SERPINB7: variants seen among roughly 807,000 people sequenced by gnomAD.
SERPINB7 encodes serpin B7.
A neutral mutation model predicts 37.4 loss-of-function variants in SERPINB7; 31 were observed. The observed-to-expected ratio is 0.83, with a 90% CI of 0.62 to 1.12. The LOEUF is 1.12. SERPINB7 is among the 50% of genes most tolerant of loss of function. The pLI is 0.00. For missense variants in SERPINB7, 521 were observed against 455.3 expected (o/e 1.14, Z -1.31); for synonymous variants, 163 against 166.1 (o/e 0.98, Z 0.14).
chr18:63,771,509 T>C (rs1453959735), upstream of SERPINB7, among the ~76,000 whole-genome samples: 1 of 152,152 alleles, frequency 6.6e-6, no homozygotes, highest in African/African-American at 2.4e-5. Context: ...CATTAGCTTA[T>C]ACTTATTTCA....
intron 4 of SERPINB7, among the ~76,000 whole-genome samples, chr18:63,795,931 C>T (rs1468433864): frequency 6.6e-6 from 1 of 152,126 alleles, no homozygotes; most frequent in Non-Finnish European, 1.5e-5. Flanking sequence ...GAAGGGATGA[C>T]ACAGGCAAGG....
At chr18:63,758,612 TATA>T (rs1246001956) in intron 1 of SERPINB7, among the ~76,000 whole-genome samples, 27 of 152,170 alleles carry the variant, frequency 1.8e-4, no homozygotes, top group Admixed American at 1.8e-3. Context: ...GGATATTTTT[TATA>T]ATAAGAAAAG....
At chr18:63,779,730 C>T (rs1381356367) in intron 1 of SERPINB7, among the ~76,000 whole-genome samples, 3 of 151,888 alleles carry the variant, frequency 2.0e-5, no homozygotes, top group African/African-American at 7.3e-5. Context: ...TGTGTAGCTT[C>T]TCTTTTGTTC....
intron 2 of SERPINB7, among the ~76,000 whole-genome samples, chr18:63,783,321 A>G (rs867324891): frequency 7.2e-5 from 11 of 151,936 alleles, no homozygotes; most frequent in South Asian, 6.2e-4. Context: ...GCTCTACCCC[A>G]GAAGTACTGA....
At chr18:63,800,803 T>C in intron 6 of SERPINB7, 63 bp from the exon 7 acceptor site, 1 of 1,566,036 alleles carries the variant, frequency 6.4e-7, no homozygotes, top group Non-Finnish European at 8.7e-7. Flanking sequence ...TTCTTATATG[T>C]ATTTGGTTAA....
chr18:63,800,973 A>T lies in SERPINB7; in HGVS notation c.705A>T (p.Ile235=). ...KILELRYNGG[I]NMYVLLPEND... Reference sequence around the variant, plus strand: ...TTGAGCTCAGATACAATGGTGGCATAAACATGTACGTTCTGCTGCCTGAGA... The same window carrying T: ...TTGAGCTCAGATACAATGGTGGCATTAACATGTACGTTCTGCTGCCTGAGA... Residue 235 remains isoleucine, a synonymous_variant, in exon 7 of 8, where the codon ATA becomes ATT. Coordinates refer to ENST00000398019, the MANE Select transcript of SERPINB7 (RefSeq NM_003784.4). The T allele has an allele frequency of 1.2e-6, 2 of 1,613,964 alleles. No homozygotes were observed. Among genetic ancestry groups the T allele is most frequent in the Non-Finnish European group, 1.7e-6 (2 of 1,179,840 alleles).
Position 63,804,529 on chromosome 18 carries a change from A to G in SERPINB7, c.1037A>G (p.Glu346Gly). 7 of 1,613,840 alleles carry G rather than the reference A, an allele frequency of 4.3e-6. No homozygotes were observed. The highest frequency in any genetic ancestry group is 3.3e-4 in the Middle Eastern group (2 of 6,058). The stretch of plus-strand genomic sequence containing the variant: ...GCTGCCACAGGAAGTAATATTGTAG[A>G]AAAGCAACTCCCTCAGTCCACGCTG... ...ATAATGSNIVEKQLPQSTLFR... is the reference protein window; with the variant it reads ...ATAATGSNIVGKQLPQSTLFR... Residue 346 changes from glutamate (E) to glycine (G), a missense_variant, in exon 8 of 8, where the codon GAA becomes GGA. By Grantham distance (98) the Glu-to-Gly change is moderately conservative. Coordinates refer to ENST00000398019, the MANE Select transcript of SERPINB7 (RefSeq NM_003784.4).
chr18:63,803,338 T>A lies in SERPINB7; in HGVS notation c.745-899T>A, dbSNP rs1015577234. ...AAATTCAAATTAGACTAAATTTGATTGTATAAATTTAGGTCCTTGATAAGA... is the reference window on the plus strand; with the variant it reads ...AAATTCAAATTAGACTAAATTTGATAGTATAAATTTAGGTCCTTGATAAGA... On this transcript the variant is annotated intron_variant, in intron 7 of 7. Coordinates refer to ENST00000398019, the MANE Select transcript of SERPINB7 (RefSeq NM_003784.4). Among the ~76,000 whole-genome samples the A allele has an allele frequency of 5.0e-4, 76 of 152,190 alleles. 1 individual carries two copies. The highest frequency in any genetic ancestry group is 7.9e-4 in the Admixed American group (12 of 15,272).
chr18:63,801,913 G>T (rs371759352), intron 7 of SERPINB7, among the ~76,000 whole-genome samples: 3 of 152,128 alleles, frequency 2.0e-5, no homozygotes, highest in African/African-American at 7.2e-5. Flanking sequence ...TCTCTACATC[G>T]TGGCGGAATT....
At chr18:63,762,618 C>G (rs138295311) in intron 1 of SERPINB7, among the ~76,000 whole-genome samples, 29 of 152,300 alleles carry the variant, frequency 1.9e-4, no homozygotes, top group African/African-American at 2.6e-4. Flanking sequence ...TTATTTCCCC[C>G]CCATGATAGC....
At chr18:63,762,116 A>G (rs2049157585) in intron 1 of SERPINB7, among the ~76,000 whole-genome samples, 1 of 152,180 alleles carries the variant, frequency 6.6e-6, no homozygotes, top group African/African-American at 2.4e-5. Context: ...CTGTGGGACC[A>G]TGGAGGGCAA....
At chr18:63,792,630 G>A (rs1310954325) in intron 3 of SERPINB7, among the ~76,000 whole-genome samples, 187 bp downstream of exon 3, 1 of 152,134 alleles carries the variant, frequency 6.6e-6, no homozygotes, top group Non-Finnish European at 1.5e-5. Flanking sequence ...TATAATCCCA[G>A]CTACTTGGGG....
intron 1 of SERPINB7, among the ~76,000 whole-genome samples, chr18:63,766,642 C>T (rs1402915814): frequency 6.6e-6 from 1 of 152,090 alleles, no homozygotes. Context: ...CTTTCTCCTT[C>T]ACCGTCTATT....
At chr18:63,799,841 GT>G (rs1229923238) in intron 6 of SERPINB7, among the ~76,000 whole-genome samples, 24 of 152,222 alleles carry the variant, frequency 1.6e-4, no homozygotes, top group Non-Finnish European at 2.9e-4. Flanking sequence ...CATGTAGGAT[GT>G]TTTTTCCTAA....
chr18:63,773,213 A>C (rs1485818912), upstream of SERPINB7, among the ~76,000 whole-genome samples: 1 of 152,118 alleles, frequency 6.6e-6, no homozygotes, highest in African/African-American at 2.4e-5. Context: ...TTCTTCAAAT[A>C]GATAGATTAG....
chr18:63,788,130 C>T (rs978950600), intron 2 of SERPINB7, among the ~76,000 whole-genome samples: 4 of 152,248 alleles, frequency 2.6e-5, no homozygotes, highest in East Asian at 1.9e-4. Flanking sequence ...CTTCTACTTA[C>T]GAAAAATAAA....
chr18:63,801,332 C>T (rs184947600), intron 7 of SERPINB7, among the ~76,000 whole-genome samples: 3 of 152,258 alleles, frequency 2.0e-5, no homozygotes, highest in African/African-American at 2.4e-5. Context: ...CAGTCTTCTA[C>T]GTGTCATTGA....
chr18:63,772,886 G>A (rs750992457), upstream of SERPINB7, among the ~76,000 whole-genome samples: 24 of 152,084 alleles, frequency 1.6e-4, no homozygotes, highest in Non-Finnish European at 3.1e-4. Context: ...AGGAAGTTCC[G>A]CTGATTGCAT....
chr18:63,771,519 A>C (rs1191989230), upstream of SERPINB7, among the ~76,000 whole-genome samples: 1 of 152,038 alleles, frequency 6.6e-6, no homozygotes, highest in Non-Finnish European at 1.5e-5. Context: ...TACTTATTTC[A>C]TGTGTTCTTA....
Sources: gnomAD v4.1 joint callset for allele counts (sites outside exome capture counted in the v4.1 genomes callset) on GRCh38, gnomAD v4.1.1 for gene constraint, MANE v1.5 for transcripts, NCBI Gene and HGNC (gene_info 2026-07-23, HGNC 2026-07-21) for gene names.